AEBP1: variants seen among roughly 807,000 people sequenced by gnomAD.
AEBP1 encodes the protein adipocyte enhancer-binding protein 1.
Under a neutral mutation model 116.5 loss-of-function variants are expected in AEBP1, and 69 were observed. That is an observed-to-expected ratio of 0.59 (90% CI 0.49 to 0.72). The LOEUF (loss-of-function observed/expected upper bound fraction) is 0.72, where lower values mean the gene tolerates loss of function less well. AEBP1 is among the 30% of genes least tolerant of loss of function. AEBP1 has a pLI of 0.00. For missense variants in AEBP1, 1,444 were observed against 1,557.5 expected (o/e 0.93, Z 1.23); for synonymous variants, 627 against 627.3 (o/e 1.00, Z 0.01).
In AEBP1 at chr7:44,111,893, A is replaced by G; in HGVS notation, c.1880A>G (p.Asn627Ser). The G allele has an allele frequency of 6.2e-7, 1 of 1,613,728 alleles. No homozygotes were observed. The highest frequency in any genetic ancestry group is 8.5e-7 in the Non-Finnish European group (1 of 1,179,990). ...EFRYTAGIHG[N>S]EVLGRELLLL... ...CGCTACACTGCTGGGATCCATGGCA[A>G]CGAGGTGCTGGGCCGAGAGCTGTTG... is the stretch of plus-strand genomic sequence containing the variant. Residue 627 changes from asparagine to serine, a missense_variant, in exon 16 of 21, where the codon AAC becomes AGC. Physicochemically the swap from Asn to Ser is conservative, Grantham distance 46. Coordinates refer to ENST00000223357, the MANE Select transcript of AEBP1 (RefSeq NM_001129.5). This position sits in a 1 kb window ranked among gnomAD's most constrained non-coding sequence, Gnocchi z 4.7.
At position 44,113,758 on chromosome 7, in the gene AEBP1, G is replaced by GAGATCATGGCCATGA; in HGVS notation, c.2976_2990dup (p.Met996_Asn997insLysIleMetAlaMet). The GAGATCATGGCCATGA allele has an allele frequency of 6.2e-7, 1 of 1,614,106 alleles. No homozygotes were observed. The highest frequency in any genetic ancestry group is 8.5e-7 in the Non-Finnish European group (1 of 1,179,980). ...TCGCTCCAACTGGAAGCGCATCCGG[G>GAGATCATGGCCATGA]AGATCATGGCCATGAACGGGAACCG... On this transcript the variant is annotated inframe_insertion, in exon 21 of 21. Coordinates refer to ENST00000223357, the MANE Select transcript of AEBP1 (RefSeq NM_001129.5). This position sits in a 1 kb window ranked among gnomAD's most constrained non-coding sequence, Gnocchi z 5.3.
In AEBP1 at chr7:44,113,402, G is replaced by C; in HGVS notation, c.2809+51G>C. On this transcript the variant is annotated intron_variant, in intron 20 of 20. Coordinates refer to ENST00000223357, the MANE Select transcript of AEBP1 (RefSeq NM_001129.5). The surrounding 1 kb of genome is among the most constrained non-coding windows in gnomAD (Gnocchi z 5.3). ...CATCTTTCTGAGGGAGGACCCGCCA[G>C]AGAGGGTGGGGGCTTGAGGAACTCA... The C allele has an allele frequency of 6.5e-7, 1 of 1,546,568 alleles. No homozygotes were observed. Among genetic ancestry groups the C allele is most frequent in the Non-Finnish European group, 8.8e-7 (1 of 1,137,328 alleles).
At chr7:44,109,070 C>T in intron 7 of AEBP1, 37 bp from the exon 8 acceptor site, 1 of 1,612,670 alleles carries the variant, frequency 6.2e-7, no homozygotes, top group Non-Finnish European at 8.5e-7. Flanking sequence ...AAGCCCAGAG[C>T]CAGGCTGACT....
Position 44,108,653 on chromosome 7 carries a change from G to A in AEBP1, c.941-246G>A, listed in dbSNP as rs1020329740. On this transcript the variant is annotated intron_variant, in intron 6 of 20. Coordinates refer to ENST00000223357, the MANE Select transcript of AEBP1 (RefSeq NM_001129.5). The surrounding 1 kb of genome is among the most constrained non-coding windows in gnomAD (Gnocchi z 5.0). The stretch of plus-strand genomic sequence containing the variant: ...AGGCCTTTCCCATGCCCTGGGCCTC[G>A]AGTCCTTTCCCCAGGCCAGATGCTC... Among the ~76,000 whole-genome samples the A allele has an allele frequency of 1.3e-5, 2 of 152,098 alleles. No homozygotes were observed. Among genetic ancestry groups the A allele is most frequent in the African/African-American group, 2.4e-5 (1 of 41,414 alleles).
At position 44,114,509 on chromosome 7, in the gene AEBP1, T is replaced by C; in HGVS notation, c.*248T>C. On this transcript the variant is annotated 3_prime_UTR_variant, in exon 21 of 21. Coordinates refer to ENST00000223357, the MANE Select transcript of AEBP1 (RefSeq NM_001129.5). Reference sequence around the variant, plus strand: ...AGATGGGGTTGCTGCAGTGTTGGAGTAGGGGCAGAGGGAGGGAGCCAAGGT... The same window carrying C: ...AGATGGGGTTGCTGCAGTGTTGGAGCAGGGGCAGAGGGAGGGAGCCAAGGT... The C allele has an allele frequency of 1.6e-6, 1 of 622,318 alleles. No homozygotes were observed. Among genetic ancestry groups the C allele is most frequent in the Non-Finnish European group, 2.8e-6 (1 of 359,556 alleles). 38.5% of individuals were successfully genotyped at this position (622,318 alleles called of 1,614,324 possible).
chr7:44,108,185 C>T lies in AEBP1; in HGVS notation c.940+101C>T, dbSNP rs911866709. ...CTGGGGCAACTCACCCACCTTGCAA[C>T]CCCACCTGTGCCCGTGGTTACCTCG... is the stretch of plus-strand genomic sequence containing the variant. On this transcript the variant is annotated intron_variant, in intron 6 of 20. Coordinates refer to ENST00000223357, the MANE Select transcript of AEBP1 (RefSeq NM_001129.5). This position sits in a 1 kb window ranked among gnomAD's most constrained non-coding sequence, Gnocchi z 5.0. 3 of 1,185,332 alleles carry T rather than the reference C, an allele frequency of 2.5e-6. No homozygotes were observed. Among genetic ancestry groups the T allele is most frequent in the East Asian group, 5.1e-5 (2 of 38,964 alleles). 73.4% of individuals were successfully genotyped at this position (1,185,332 alleles called of 1,614,324 possible).
Position 44,113,334 on chromosome 7 carries a change from A to G in AEBP1, c.2792A>G (p.Asn931Ser). ...ANATISVSGI[N>S]HGVKTASGGD... is the part of the protein sequence containing the mutation. ...GCCACCATCTCTGTGAGTGGCATTA[A>G]TCACGGCGTGAAGACAGGTACCTAG... is the stretch of plus-strand genomic sequence containing the variant. Residue 931 changes from asparagine to serine, a missense_variant, in exon 20 of 21, where the codon AAT (asparagine) becomes AGT (serine). By Grantham distance (46) the Asn-to-Ser change is conservative (BLOSUM62 1). Coordinates refer to ENST00000223357, the MANE Select transcript of AEBP1 (RefSeq NM_001129.5). This position sits in a 1 kb window ranked among gnomAD's most constrained non-coding sequence, Gnocchi z 5.3. 6.2e-7 allele frequency: 1 copy of G among 1,612,882 alleles called. No homozygotes were observed. The highest frequency in any genetic ancestry group is 1.1e-5 in the South Asian group (1 of 90,892).
intron 1 of AEBP1, 108 bp downstream of exon 1, chr7:44,105,026 T>C: frequency 9.9e-7 from 1 of 1,005,470 alleles, no homozygotes; most frequent in South Asian, 1.7e-5. Context: ...GAGGAATGGC[T>C]GGCTTACTAA....
intron 9 of AEBP1, chr7:44,109,755 T>C (rs2096226903): frequency 6.9e-6 from 4 of 577,728 alleles, no homozygotes; most frequent in Non-Finnish European, 1.2e-5. Flanking sequence ...GAGCTGGGCA[T>C]GGTCAGCCCG....
Position 44,106,984 on chromosome 7 carries a change from A to T in AEBP1, c.595+97A>T, listed in dbSNP as rs2096223612. On this transcript the variant is annotated intron_variant, in intron 2 of 20. Coordinates refer to ENST00000223357, the MANE Select transcript of AEBP1 (RefSeq NM_001129.5). ...AGGTTTCTGGGGCCCTGCTTCCTAT[A>T]GACCTTCAGCTCCCCACTGGATGGG... 1.3e-5 allele frequency: 12 copies of T among 927,362 alleles called. No individual in the cohort carries two copies. The East Asian group carries it at 2.9e-4, about 22-fold the overall frequency. 57.4% of individuals were successfully genotyped at this position (927,362 alleles called of 1,614,324 possible). A position where few individuals can be genotyped will look rare whatever the true frequency, so the allele number is the denominator to read the frequency against.
Position 44,107,529 on chromosome 7 carries a change from C to T in AEBP1, c.667+19C>T. The stretch of plus-strand genomic sequence containing the variant: ...CAGCCTGGTGAGTGGCCGTCATCCG[C>T]CTGGCCTTGGGGCCAGCTGCCCTGG... On this transcript the variant is annotated intron_variant, in intron 3 of 20. Transcript: ENST00000223357. This position sits in a 1 kb window ranked among gnomAD's most constrained non-coding sequence, Gnocchi z 4.3. 1 of 1,613,440 alleles carries T rather than the reference C, an allele frequency of 6.2e-7. No homozygotes were observed. Among genetic ancestry groups the T allele is most frequent in the Non-Finnish European group, 8.5e-7 (1 of 1,179,938 alleles).
At position 44,109,192 on chromosome 7, in the gene AEBP1, GCTGGGGCTTGGGGC is replaced by G. The variant is rs746319379; in HGVS notation, c.1096+14_1096+27del. 5 of 1,613,674 alleles carry G rather than the reference GCTGGGGCTTGGGGC, an allele frequency of 3.1e-6. No homozygotes were observed. Among genetic ancestry groups the G allele is most frequent in the Non-Finnish European group, 3.4e-6 (4 of 1,179,954 alleles). On this transcript the variant is annotated intron_variant, in intron 8 of 20. Transcript: ENST00000223357. ...AGGGCAAGGACCACAAAGGTGTGTG[GCTGGGGCTTGGGGC>G]CTGGGTCCCTGTGGGGCAGCATCTG...
At position 44,112,340 on chromosome 7, in the gene AEBP1, T is replaced by A; in HGVS notation, c.2217+19T>A. The A allele has an allele frequency of 3.3e-6, 5 of 1,529,514 alleles. No individual in the cohort carries two copies. The highest frequency in any genetic ancestry group is 3.5e-6 in the Non-Finnish European group (4 of 1,136,892). 94.7% of individuals were successfully genotyped at this position (1,529,514 alleles called of 1,614,324 possible). A position where few individuals can be genotyped will look rare whatever the true frequency, so the allele number is the denominator to read the frequency against. ...TGCCACGGTGAGGCTACAGCCTGGC[T>A]GAAAGGGCAGGAGGGAGCAGCTGGA... On this transcript the variant is annotated intron_variant, in intron 17 of 20. Transcript: ENST00000223357. This position sits in a 1 kb window ranked among gnomAD's most constrained non-coding sequence, Gnocchi z 6.6.
chr7:44,106,618 C>A lies in AEBP1; in HGVS notation c.326C>A (p.Ser109Tyr). The change falls in exon 2 of 21, where the codon TCC becomes TAC. Residue 109 changes from serine to tyrosine, a missense_variant. Coordinates refer to ENST00000223357, the MANE Select transcript of AEBP1 (RefSeq NM_001129.5). ...KDKGPKVPKE[S>Y]LEGSPRPPKK... ...AAAGGCCCCAAGGTGCCCAAGGAGT[C>A]CTTGGAGGGGTCCCCCAGGCCGCCC... 1.2e-6 allele frequency: 2 copies of A among 1,612,696 alleles called. No individual in the cohort carries two copies. The highest frequency in any genetic ancestry group is 1.7e-6 in the Non-Finnish European group (2 of 1,179,696).
rs2096234542 is a variant in AEBP1 at position 44,114,380 on chromosome 7, AAAGG to A, written c.*124_*127del. ...TGGAAGGCCCCTGGTATGGACACTG[AAAGG>A]AAGGGCTGGTCCTGCCCCTTTGAGG... On this transcript the variant is annotated 3_prime_UTR_variant, in exon 21 of 21. Coordinates refer to ENST00000223357, the MANE Select transcript of AEBP1 (RefSeq NM_001129.5). The A allele has an allele frequency of 6.0e-6, 7 of 1,162,090 alleles. No homozygotes were observed. The Admixed American group carries it at 1.5e-4, about 24-fold the overall frequency. 72.0% of individuals were successfully genotyped at this position (1,162,090 alleles called of 1,614,324 possible).
At position 44,109,000 on chromosome 7, in the gene AEBP1, A is replaced by C. The variant is rs752532160; in HGVS notation, c.1018+24A>C. On this transcript the variant is annotated intron_variant, in intron 7 of 20. Transcript: ENST00000223357. The surrounding 1 kb of genome is among the most constrained non-coding windows in gnomAD (Gnocchi z 5.0). ...GAGTGAGTGGGACCAAGGACTTCCC[A>C]CACCAGGCCTGCCCTGAAGGCCACC... 5 of 1,606,096 alleles carry C rather than the reference A, an allele frequency of 3.1e-6. No homozygotes were observed.
chr7:44,111,216 C>A lies in AEBP1; in HGVS notation c.1693C>A (p.His565Asn), dbSNP rs2096229025. 1 of 1,515,952 alleles carries A rather than the reference C, an allele frequency of 6.6e-7. No homozygotes were observed. The highest frequency in any genetic ancestry group is 8.8e-7 in the Non-Finnish European group (1 of 1,130,990). 93.9% of individuals were successfully genotyped at this position (1,515,952 alleles called of 1,614,324 possible). Residue 565 changes from histidine (H) to asparagine (N), a missense_variant, in exon 14 of 21, where the codon CAC becomes AAC. By Grantham distance (68) the His-to-Asn change is moderately conservative (BLOSUM62 1). Transcript: ENST00000223357. The surrounding 1 kb of genome is among the most constrained non-coding windows in gnomAD (Gnocchi z 4.7). ...VATDDLDFRH[H>N]SYKDMRQLMK... ...CACCGATGACCTGGATTTCCGGCAC[C>A]ACAGCTACAAGGACATGCGCCAGGT...
chr7:44,111,963 C>T lies in AEBP1; in HGVS notation c.1950C>T (p.Asn650=). ...TGTGCCGAGAGTACCGCGATGGGAA[C>T]CCACGTGTGCGCAGCCTGGTGCAGG... ...QYLCREYRDG[N]PRVRSLVQDT... The change falls in exon 16 of 21, where the codon AAC becomes AAT. Residue 650 remains asparagine, a synonymous_variant. Transcript: ENST00000223357. This position sits in a 1 kb window ranked among gnomAD's most constrained non-coding sequence, Gnocchi z 4.7. 1 of 1,613,886 alleles carries T rather than the reference C, an allele frequency of 6.2e-7. No individual in the cohort carries two copies. Among genetic ancestry groups the T allele is most frequent in the East Asian group, 2.2e-5 (1 of 44,872 alleles).
In AEBP1 at chr7:44,112,740, C is replaced by T. The variant is rs749292969; in HGVS notation, c.2400C>T (p.Val800=). 1 of 1,613,200 alleles carries T rather than the reference C, an allele frequency of 6.2e-7. No individual in the cohort carries two copies. Among genetic ancestry groups the T allele is most frequent in the East Asian group, 2.2e-5 (1 of 44,878 alleles). ...CCCGGGGGGAGGATGAGGACGAGGT[C>T]TCCGAGGCCCAGGAGACTCCAGACC... ...AAARGEDEDE[V]SEAQETPDHA... The change falls in exon 18 of 21, where the codon GTC becomes GTT. Residue 800 remains valine (V), a synonymous_variant. Coordinates refer to ENST00000223357, the MANE Select transcript of AEBP1 (RefSeq NM_001129.5). This position sits in a 1 kb window ranked among gnomAD's most constrained non-coding sequence, Gnocchi z 6.6.
Sources: gnomAD v4.1 joint callset for allele counts (sites outside exome capture counted in the v4.1 genomes callset) on GRCh38, gnomAD v4.1.1 for gene constraint, Gnocchi (gnomAD v3.1) non-coding constraint, MANE v1.5 for transcripts, NCBI Gene and HGNC (gene_info 2026-07-23, HGNC 2026-07-21) for gene names.